Variants in EDN1 observed in about 807,000 individuals in gnomAD.
EDN1 encodes endothelin-1.
A neutral mutation model predicts 21.7 loss-of-function variants in EDN1; 11 were observed. The ratio of observed to expected loss-of-function variants is 0.51; its 90% CI spans 0.32 to 0.84. EDN1 has a LOEUF of 0.84. Ranked by LOEUF, EDN1 falls within the 40% of genes least tolerant of loss-of-function variation. The probability of loss-of-function intolerance (pLI) is 0.03; values close to 1 mark genes in which losing one functional copy is unlikely to be tolerated. For missense variants in EDN1, 244 were observed against 262.3 expected, an observed-to-expected ratio of 0.93 and a Z score of 0.48; for synonymous variants, 85 against 90.6, an observed-to-expected ratio of 0.94 and a Z score of 0.35.
intron 2 of EDN1, among the ~76,000 whole-genome samples, chr6:12,293,496 C>T (rs1014117815): frequency 3.3e-5 from 5 of 152,222 alleles, no homozygotes; most frequent in East Asian, 3.9e-4. Context: ...CAGTATCCTC[C>T]GTGGTTTGAG....
At chr6:12,281,983 G>C in the EDN1 span, among the ~76,000 whole-genome samples, 1 of 152,082 alleles carries the variant, frequency 6.6e-6, no homozygotes, top group African/African-American at 2.4e-5. Flanking sequence ...ATTAGAATTA[G>C]GATGTCCTAG....
At chr6:12,272,574 C>T in the EDN1 span, among the ~76,000 whole-genome samples, 3 of 150,924 alleles carry the variant, frequency 2.0e-5, no homozygotes, top group Non-Finnish European at 4.4e-5. Context: ...TCTCCTACCT[C>T]AGCCTCCGGA....
chr6:12,258,449 C>CAGAAA, the EDN1 span, among the ~76,000 whole-genome samples: 1 of 63,658 alleles, frequency 1.6e-5, no homozygotes, highest in Non-Finnish European at 3.1e-5. Flanking sequence ...GATCATGTCT[C>CAGAAA]AAAAAAAAAA....
chr6:12,273,965 A>T, the EDN1 span, among the ~76,000 whole-genome samples: 56 of 152,310 alleles, frequency 3.7e-4, no homozygotes, highest in Non-Finnish European at 6.3e-4. Context: ...TGCTAAATAG[A>T]GGGTGGATTA....
At chr6:12,292,554 T>G in intron 2 of EDN1, 45 bp downstream of exon 2, 292 of 1,575,728 alleles carry the variant, frequency 1.9e-4, no homozygotes, top group Non-Finnish European at 2.3e-4. Flanking sequence ...TCATTAGCGC[T>G]GGCTCCACTG....
At chr6:12,241,434 G>C in the EDN1 span, among the ~76,000 whole-genome samples, 1 of 152,008 alleles carries the variant, frequency 6.6e-6, no homozygotes, top group Non-Finnish European at 1.5e-5. Context: ...GCCTCCCAAA[G>C]TGCTGGGAAG....
chr6:12,262,872 A>T, the EDN1 span, among the ~76,000 whole-genome samples: 3 of 59,232 alleles, frequency 5.1e-5, no homozygotes, highest in African/African-American at 1.1e-4. Flanking sequence ...AACCCTGTTT[A>T]AAAAAAAAAA....
intron 1 of EDN1, among the ~76,000 whole-genome samples, chr6:12,290,960 T>A (rs1762664877): frequency 6.6e-6 from 1 of 152,240 alleles, no homozygotes; most frequent in South Asian, 2.1e-4. Flanking sequence ...ATTATGTGTT[T>A]CCTTGGCTTT....
the EDN1 span, among the ~76,000 whole-genome samples, chr6:12,273,304 A>T: frequency 6.6e-6 from 1 of 152,210 alleles, no homozygotes; most frequent in African/African-American, 2.4e-5. Flanking sequence ...TCATTCATGG[A>T]ACCGCAGGTA....
the EDN1 span, among the ~76,000 whole-genome samples, chr6:12,267,675 C>G: frequency 0.35 from 53,394 of 152,038 alleles, 9,895 homozygotes; most frequent in Middle Eastern, 0.41. Context: ...GAAGCTACAG[C>G]AAATTATCCA....
At chr6:12,255,263 A>G in the EDN1 span, among the ~76,000 whole-genome samples, 1 of 152,200 alleles carries the variant, frequency 6.6e-6, no homozygotes, top group Non-Finnish European at 1.5e-5. Context: ...TATCCACCAC[A>G]TCCAAGTAGG....
At chr6:12,265,142 G>A in the EDN1 span, among the ~76,000 whole-genome samples, 5 of 152,172 alleles carry the variant, frequency 3.3e-5, no homozygotes, top group African/African-American at 4.8e-5. Flanking sequence ...AGAAGTTTCC[G>A]AAATGCCAGC....
the EDN1 span, among the ~76,000 whole-genome samples, chr6:12,276,066 G>A: frequency 1.3e-5 from 2 of 150,460 alleles, no homozygotes; most frequent in Non-Finnish European, 3.0e-5. Context: ...GGAGGCTGAG[G>A]CAGGAGAATG....
In EDN1 at chr6:12,293,869, A is replaced by G. The variant is rs2113796423; in HGVS notation, c.234-72A>G. ...GAGCTCCTTGTGTGCCCAGTGGAAT[A>G]GGTGTGTCCATGTGTCATTTTAAAG... On this transcript the variant is annotated intron_variant, in intron 2 of 4. Coordinates refer to ENST00000379375, the MANE Select transcript of EDN1 (RefSeq NM_001955.5). The G allele has an allele frequency of 6.5e-6, 10 of 1,544,512 alleles. No individual in the cohort carries two copies. In the South Asian group the frequency reaches 1.1e-4, roughly 18 times the overall value.
chr6:12,247,913 T>C, the EDN1 span, among the ~76,000 whole-genome samples: 1 of 152,130 alleles, frequency 6.6e-6, no homozygotes, highest in African/African-American at 2.4e-5. Context: ...GTTGGGACCC[T>C]AGCCTCTGTA....
chr6:12,255,945 A>G, the EDN1 span, among the ~76,000 whole-genome samples: 1 of 152,226 alleles, frequency 6.6e-6, no homozygotes, highest in Non-Finnish European at 1.5e-5. Flanking sequence ...CAAGGTACAC[A>G]ATAAAGAGGG....
chr6:12,282,980 G>GA, the EDN1 span, among the ~76,000 whole-genome samples: 2 of 151,048 alleles, frequency 1.3e-5, no homozygotes, highest in South Asian at 2.1e-4. Context: ...AAGCTTCACA[G>GA]AAAAAAAAAT....
chr6:12,273,524 C>G, the EDN1 span, among the ~76,000 whole-genome samples: 4 of 150,750 alleles, frequency 2.7e-5, no homozygotes, highest in African/African-American at 9.8e-5. Flanking sequence ...TAAGACAATA[C>G]CAAATTCAGC....
chr6:12,232,256 TTATAA>T, the EDN1 span, among the ~76,000 whole-genome samples: 1 of 148,396 alleles, frequency 6.7e-6, no homozygotes, highest in African/African-American at 2.4e-5. Context: ...AAACATATAA[TTATAA>T]TATACACTTT....
Sources: allele counts gnomAD v4.1 joint callset (sites outside exome capture counted in the v4.1 genomes callset), GRCh38; gene constraint gnomAD v4.1.1; transcripts MANE v1.5; gene names NCBI Gene and HGNC (gene_info 2026-07-23, HGNC 2026-07-21).